Variants in MAP4K3 observed in about 807,000 individuals in gnomAD.
MAP4K3 encodes mitogen-activated protein kinase kinase kinase kinase 3.
MAP4K3 carries 94 observed loss-of-function variants against 143.5 expected under a neutral mutation model. The observed-to-expected ratio is 0.65, with a 90% CI of 0.55 to 0.78. The LOEUF (loss-of-function observed/expected upper bound fraction) is 0.78. Among genes scored for constraint, MAP4K3 ranks in the 30% least tolerant of loss-of-function variants. The probability of loss-of-function intolerance (pLI) is 0.00; values close to 1 mark genes in which losing one functional copy is unlikely to be tolerated. For missense variants in MAP4K3, 1,077 were observed against 1,068.1 expected, an observed-to-expected ratio of 1.01 and a Z score of -0.12; for synonymous variants, 416 against 347.2, an observed-to-expected ratio of 1.20 and a Z score of -2.20.
intron 19 of MAP4K3, 103 bp downstream of exon 19, chr2:39,290,189 T>C: frequency 2.6e-6 from 2 of 781,494 alleles, no homozygotes; most frequent in Non-Finnish European, 3.9e-6. Context: ...TCATGATTTT[T>C]CTTTGTGGAT....
chr2:39,265,825 C>A (rs1239403367), intron 27 of MAP4K3, among the ~76,000 whole-genome samples: 1 of 152,012 alleles, frequency 6.6e-6, no homozygotes, highest in Non-Finnish European at 1.5e-5. Context: ...ATTAATCGAA[C>A]CTTAAAATAC....
intron 24 of MAP4K3, 54 bp downstream of exon 24, chr2:39,278,353 G>T: frequency 9.8e-7 from 1 of 1,015,738 alleles, no homozygotes; most frequent in Non-Finnish European, 1.5e-6. Context: ...GGTCTAATGT[G>T]TACTTATGGT....
At chr2:39,333,986 TGTGTGTGTGTGTG>T (rs1416152362) in intron 6 of MAP4K3, among the ~76,000 whole-genome samples, 1 of 151,352 alleles carries the variant, frequency 6.6e-6, no homozygotes, top group African/African-American at 2.4e-5. Context: ...TGTGTGTGTG[TGTGTGTGTGTGTG>T]TTTTTAAAAG....
At chr2:39,407,028 T>A (rs1667115458) in intron 1 of MAP4K3, among the ~76,000 whole-genome samples, 1 of 152,140 alleles carries the variant, frequency 6.6e-6, no homozygotes, top group Non-Finnish European at 1.5e-5. Context: ...GGATAATACA[T>A]CATGATCAAG....
intron 3 of MAP4K3, among the ~76,000 whole-genome samples, chr2:39,354,505 C>CT (rs1389892249): frequency 6.6e-6 from 1 of 151,256 alleles, no homozygotes; most frequent in Middle Eastern, 3.2e-3. Flanking sequence ...ATCGTCCTAG[C>CT]TACTTGGGAA....
intron 3 of MAP4K3, among the ~76,000 whole-genome samples, chr2:39,351,515 G>C (rs1355974862): frequency 2.5e-5 from 1 of 39,600 alleles, no homozygotes; most frequent in Non-Finnish European, 6.5e-5. Flanking sequence ...GAAGGATTAG[G>C]TTTTAGATAT....
intron 1 of MAP4K3, among the ~76,000 whole-genome samples, chr2:39,431,688 C>T (rs1479183608): frequency 6.6e-6 from 1 of 152,106 alleles, no homozygotes; most frequent in Non-Finnish European, 1.5e-5. Context: ...ATGAGGAATG[C>T]AGTTGGTTAG....
chr2:39,379,978 G>A (rs961785284), intron 1 of MAP4K3, among the ~76,000 whole-genome samples: 2 of 152,158 alleles, frequency 1.3e-5, no homozygotes, highest in South Asian at 4.1e-4. Context: ...GAAAAATTAT[G>A]ACACTAACTA....
intron 8 of MAP4K3, among the ~76,000 whole-genome samples, chr2:39,330,490 AAAG>A (rs1231593033): frequency 2.6e-5 from 4 of 152,208 alleles, no homozygotes; most frequent in East Asian, 1.9e-4. Context: ...GTACATCATG[AAAG>A]AAGAAGACCT....
chr2:39,311,187 C>T (rs777898634), intron 13 of MAP4K3, among the ~76,000 whole-genome samples: 11 of 152,134 alleles, frequency 7.2e-5, no homozygotes, highest in Non-Finnish European at 1.5e-4. Context: ...AAGCGGTTCT[C>T]GTGCCTCGAC....
chr2:39,295,063 A>T (rs964076235), intron 16 of MAP4K3, among the ~76,000 whole-genome samples: 1 of 151,922 alleles, frequency 6.6e-6, no homozygotes, highest in Non-Finnish European at 1.5e-5. Context: ...AAACAATGCT[A>T]CTTTTTTTTA....
intron 12 of MAP4K3, among the ~76,000 whole-genome samples, chr2:39,321,570 C>T (rs11692422): frequency 1.3e-5 from 2 of 151,926 alleles, no homozygotes; most frequent in African/African-American, 4.8e-5. Context: ...TCCCCCAGCC[C>T]GACACCCATA....
Position 39,289,418 on chromosome 2 carries a change from T to C in MAP4K3, c.1314+874A>G, listed in dbSNP as rs535487427. Among the ~76,000 whole-genome samples, 143 of 152,276 alleles carry C rather than the reference T, an allele frequency of 9.4e-4. 1 individual carries two copies. Among genetic ancestry groups the C allele is most frequent in the African/African-American group, 3.1e-3 (128 of 41,556 alleles). ...TGATTTTAAACTTTAAAGCAACTCA[T>C]ATTATAATTAAAATTTGCTATGCAT... On this transcript the variant is annotated intron_variant, in intron 19 of 33. Transcript: ENST00000263881.
intron 3 of MAP4K3, among the ~76,000 whole-genome samples, chr2:39,355,006 T>A (rs1665566578): frequency 6.6e-6 from 1 of 151,486 alleles, no homozygotes; most frequent in East Asian, 2.0e-4. Flanking sequence ...GCATTTTGGA[T>A]CATTTGAGCT....
intron 2 of MAP4K3, among the ~76,000 whole-genome samples, chr2:39,365,872 T>C (rs1665908710): frequency 6.6e-6 from 1 of 152,244 alleles, no homozygotes; most frequent in South Asian, 2.1e-4. Context: ...CCATTCTATT[T>C]TAAACACAGA....
intron 19 of MAP4K3, among the ~76,000 whole-genome samples, chr2:39,289,522 G>A (rs1227250580): frequency 3.3e-5 from 5 of 151,862 alleles, no homozygotes; most frequent in Non-Finnish European, 1.5e-5. Context: ...ATTTTAGAAT[G>A]ATTTTGTTTG....
intron 1 of MAP4K3, among the ~76,000 whole-genome samples, chr2:39,412,374 T>C (rs944155147): frequency 2.6e-5 from 4 of 152,122 alleles, no homozygotes; most frequent in Admixed American, 6.5e-5. Context: ...AGTCCATCTA[T>C]TACACTAGAA....
rs562536374 is a variant in MAP4K3 at position 39,276,014 on chromosome 2, A to C, written c.1794+2393T>G. 3.5e-4 allele frequency among the ~76,000 whole-genome samples: 54 copies of C among 152,184 alleles called. No homozygotes were observed. In the East Asian group the frequency reaches 7.2e-3, roughly 20 times the overall value. On this transcript the variant is annotated intron_variant, in intron 24 of 33. Transcript: ENST00000263881. Reference sequence around the variant, plus strand: ...CAGCCTCCTGAGTAGCTGGGACTACAGCTGCACATGACCATGCTTGGCTAA... The same window carrying C: ...CAGCCTCCTGAGTAGCTGGGACTACCGCTGCACATGACCATGCTTGGCTAA...
intron 2 of MAP4K3, among the ~76,000 whole-genome samples, chr2:39,364,407 TACC>T (rs754492382): frequency 8.7e-4 from 133 of 152,370 alleles, no homozygotes; most frequent in Admixed American, 4.0e-3. Context: ...GACGTGTTTT[TACC>T]ACCATTGATA....
Sources: gnomAD v4.1 joint callset for allele counts (sites outside exome capture counted in the v4.1 genomes callset) on GRCh38, gnomAD v4.1.1 for gene constraint, MANE v1.5 for transcripts, NCBI Gene and HGNC (gene_info 2026-07-23, HGNC 2026-07-21) for gene names.